The following SOX5 variants were observed in gnomAD, a reference collection of about 807,000 sequenced individuals.
SOX5 encodes the protein transcription factor SOX-5.
In SOX5, 9 loss-of-function variants were observed where a neutral mutation model predicts 92.0. The ratio of observed to expected loss-of-function variants is 0.10; its 90% CI spans 0.06 to 0.17. The LOEUF (loss-of-function observed/expected upper bound fraction) is 0.17. Among genes scored for constraint, SOX5 ranks in the 10% least tolerant of loss-of-function variants. SOX5 has a pLI of 1.00. For missense variants in SOX5, 642 were observed against 944.5 expected, an observed-to-expected ratio of 0.68 and a Z score of 4.20; for synonymous variants, 344 against 336.3, an observed-to-expected ratio of 1.02 and a Z score of -0.25.
At chr12:24,486,495 A>G (rs771680039) in intron 1 of SOX5, among the ~76,000 whole-genome samples, 6 of 152,174 alleles carry the variant, frequency 3.9e-5, no homozygotes, top group Non-Finnish European at 8.8e-5. Context: ...ACTGCATAAG[A>G]AAGAAATCTA....
At chr12:23,643,101 A>G (rs1477123767) in intron 7 of SOX5, among the ~76,000 whole-genome samples, 2 of 110,870 alleles carry the variant, frequency 1.8e-5, no homozygotes, top group Non-Finnish European at 4.6e-5. Flanking sequence ...AAAAAAAAAA[A>G]AAAAAAAGGT....
At chr12:23,573,663 T>C (rs898727705) in intron 10 of SOX5, among the ~76,000 whole-genome samples, 9 of 152,230 alleles carry the variant, frequency 5.9e-5, no homozygotes, top group African/African-American at 2.2e-4. Context: ...CTAATTCTCC[T>C]TGCCTTGAGT....
intron 1 of SOX5, among the ~76,000 whole-genome samples, chr12:24,469,951 A>T (rs1287816688): frequency 6.6e-6 from 1 of 152,216 alleles, no homozygotes; most frequent in African/African-American, 2.4e-5. Context: ...ATTGTATGAG[A>T]TGTTGGTTTC....
chr12:24,091,660 C>A (rs1944668003), intron 4 of SOX5, among the ~76,000 whole-genome samples: 1 of 151,956 alleles, frequency 6.6e-6, no homozygotes, highest in African/African-American at 2.4e-5. Context: ...TCAGATGAGA[C>A]AGAGGCAAAC....
At position 24,067,937 on chromosome 12, in the gene SOX5, G is replaced by A. The variant is rs113361807; in HGVS notation, c.-2+145406C>T. Among the ~76,000 whole-genome samples, 13 of 152,330 alleles carry A rather than the reference G, an allele frequency of 8.5e-5. 1 individual carries two copies. Among genetic ancestry groups the A allele is most frequent in the African/African-American group, 2.9e-4 (12 of 41,588 alleles). ...AGGCGGGCGGATTGCCTGAGCTCAG[G>A]AGTTTGAGAGCAGCCTGGACAACAC... On this transcript the variant is annotated intron_variant, in intron 4 of 4. Coordinates refer to the SOX5 transcript ENST00000446891.
chr12:24,081,188 G>A (rs887590462), intron 4 of SOX5, among the ~76,000 whole-genome samples: 1 of 151,918 alleles, frequency 6.6e-6, no homozygotes, highest in Non-Finnish European at 1.5e-5. Flanking sequence ...AGCTCGCGCT[G>A]CCATATAACT....
chr12:23,970,841 A>ATATATATATATATATATATATAT, intron 4 of SOX5, among the ~76,000 whole-genome samples: 1 of 21,884 alleles, frequency 4.6e-5, no homozygotes, highest in African/African-American at 1.2e-4. Flanking sequence ...TATATATATA[A>ATATATATATATATATATATATAT]TTTTTTTTTT....
chr12:24,244,048 TAAAAAA>T (rs3031151), intron 3 of SOX5, among the ~76,000 whole-genome samples: 1 of 131,600 alleles, frequency 7.6e-6, no homozygotes. Flanking sequence ...GGCATATTGA[TAAAAAA>T]AAAAAAAAAA....
chr12:24,394,361 T>G (rs528926684), intron 1 of SOX5, among the ~76,000 whole-genome samples: 89 of 152,250 alleles, frequency 5.8e-4, no homozygotes, highest in African/African-American at 2.1e-3. Context: ...TCCTACAGAT[T>G]TCAGGAATCA....
At chr12:23,654,602 A>G (rs913509443) in intron 7 of SOX5, among the ~76,000 whole-genome samples, 1 of 152,104 alleles carries the variant, frequency 6.6e-6, no homozygotes, top group Non-Finnish European at 1.5e-5. Flanking sequence ...TTTCCTCATT[A>G]TAAGTAGTTA....
At chr12:24,123,403 C>T (rs1218116320) in intron 4 of SOX5, among the ~76,000 whole-genome samples, 2 of 152,168 alleles carry the variant, frequency 1.3e-5, no homozygotes, top group African/African-American at 4.8e-5. Flanking sequence ...TGAATATACA[C>T]ACTAACTAGC....
At chr12:24,547,561 G>A (rs1323463414) in intron 1 of SOX5, among the ~76,000 whole-genome samples, 2 of 152,214 alleles carry the variant, frequency 1.3e-5, no homozygotes, top group African/African-American at 4.8e-5. Context: ...ATTGAAAGCA[G>A]TAGAAATGGA....
chr12:24,136,933 C>T (rs1404213209), intron 4 of SOX5, among the ~76,000 whole-genome samples: 1 of 152,194 alleles, frequency 6.6e-6, no homozygotes, highest in Non-Finnish European at 1.5e-5. Context: ...ACACTATAAA[C>T]ATTCTTTTAG....
intron 8 of SOX5, 84 bp downstream of exon 8, chr12:23,640,728 C>A: frequency 2.2e-6 from 2 of 891,216 alleles, no homozygotes; most frequent in South Asian, 2.9e-5. Context: ...TATCACGAGT[C>A]AGTTTTATTT....
chr12:23,735,260 T>C (rs1360696442), intron 5 of SOX5, among the ~76,000 whole-genome samples: 1 of 152,168 alleles, frequency 6.6e-6, no homozygotes, highest in Non-Finnish European at 1.5e-5. Flanking sequence ...ACCAACTCAG[T>C]GCATGCTATT....
intron 1 of SOX5, among the ~76,000 whole-genome samples, chr12:24,433,220 A>C (rs925006758): frequency 6.6e-6 from 1 of 152,242 alleles, no homozygotes; most frequent in East Asian, 1.9e-4. Flanking sequence ...TGTTCTCAGT[A>C]GTTAAAATGT....
intron 11 of SOX5, among the ~76,000 whole-genome samples, chr12:23,547,877 T>TTA (rs1943437005): frequency 6.6e-6 from 1 of 152,062 alleles, no homozygotes; most frequent in Non-Finnish European, 1.5e-5. Context: ...TTCAGCTGCT[T>TTA]CATATGTTTT....
chr12:23,927,367 C>G (rs1940250082), intron 1 of SOX5, among the ~76,000 whole-genome samples: 1 of 152,074 alleles, frequency 6.6e-6, no homozygotes, highest in Non-Finnish European at 1.5e-5. Context: ...ATCACTATCT[C>G]TATTTTTCTC....
chr12:23,788,128 TA>T (rs996940502), intron 3 of SOX5, among the ~76,000 whole-genome samples: 1 of 151,718 alleles, frequency 6.6e-6, no homozygotes, highest in East Asian at 1.9e-4. Flanking sequence ...GTTTATCATT[TA>T]AAAAAACAAA....
Sources: gnomAD v4.1 joint callset for allele counts (sites outside exome capture counted in the v4.1 genomes callset) on GRCh38, gnomAD v4.1.1 for gene constraint, MANE v1.5 for transcripts, NCBI Gene and HGNC (gene_info 2026-07-23, HGNC 2026-07-21) for gene names.